The following LDLRAD4 variants were observed in gnomAD, a reference collection of about 807,000 sequenced individuals.
The protein encoded by LDLRAD4 is low density lipoprotein receptor class A domain containing 4.
LDLRAD4 carries 5 observed loss-of-function variants against 17.0 expected under a neutral mutation model. The observed-to-expected ratio is 0.29, with a 90% confidence interval of 0.15 to 0.62. LDLRAD4 has a LOEUF of 0.62. Among genes scored for constraint, LDLRAD4 ranks in the 20% least tolerant of loss-of-function variants. The probability of loss-of-function intolerance (pLI) is 0.84; values close to 1 mark genes in which losing one functional copy is unlikely to be tolerated. For missense variants in LDLRAD4, 340 were observed against 424.7 expected, an observed-to-expected ratio of 0.80 and a Z score of 1.75; for synonymous variants, 168 against 171.8, an observed-to-expected ratio of 0.98 and a Z score of 0.17.
intron 3 of LDLRAD4, among the ~76,000 whole-genome samples, chr18:13,593,417 G>T (rs1011576015): frequency 6.6e-6 from 1 of 150,708 alleles, no homozygotes; most frequent in Non-Finnish European, 1.5e-5. Flanking sequence ...TCCTTTCCTC[G>T]CGATGCTTTC....
chr18:13,577,205 G>A lies in LDLRAD4; in HGVS notation c.182-43912G>A, dbSNP rs183502131. Among the ~76,000 whole-genome samples the A allele has an allele frequency of 2.4e-3, 363 of 152,220 alleles. 3 individuals carry two copies. Among genetic ancestry groups the A allele is most frequent in the Middle Eastern group, 6.8e-3 (2 of 294 alleles). On this transcript the variant is annotated intron_variant, in intron 3 of 5. Transcript: ENST00000359446. The stretch of plus-strand genomic sequence containing the variant: ...GTCCATAATGGGAAAGTCAACTCCT[G>A]GGCATGCTGTTCCATGCCTACATGG...
chr18:13,261,460 A>G (rs1272295012), intron 1 of LDLRAD4, among the ~76,000 whole-genome samples: 2 of 152,164 alleles, frequency 1.3e-5, no homozygotes, highest in Non-Finnish European at 2.9e-5. Flanking sequence ...ATTTCAGCAA[A>G]TGTTTACAGA....
chr18:13,554,811 A>C (rs554500327), intron 3 of LDLRAD4, among the ~76,000 whole-genome samples: 1 of 152,292 alleles, frequency 6.6e-6, no homozygotes, highest in African/African-American at 2.4e-5. Flanking sequence ...GAGGGAGCCT[A>C]ACCCTGGCTC....
chr18:13,621,676 C>T lies in LDLRAD4; in HGVS notation c.336+405C>T, dbSNP rs1445645792. Among the ~76,000 whole-genome samples the T allele has an allele frequency of 1.3e-5, 2 of 152,162 alleles. No homozygotes were observed. The highest frequency in any genetic ancestry group is 6.5e-5 in the Admixed American group (1 of 15,290). Reference sequence around the variant, plus strand: ...CCTGAGCTGGGTCCTGGAGGTGCTGCGGGGACAAATCACGCGCTCATCGTC... The same window carrying T: ...CCTGAGCTGGGTCCTGGAGGTGCTGTGGGGACAAATCACGCGCTCATCGTC... On this transcript the variant is annotated intron_variant, in intron 4 of 5. Coordinates refer to ENST00000359446, the Ensembl canonical transcript of LDLRAD4. This position sits in a 1 kb window ranked among gnomAD's most constrained non-coding sequence, Gnocchi z 5.5.
At chr18:13,548,072 G>A (rs2094389815) in intron 3 of LDLRAD4, among the ~76,000 whole-genome samples, 2 of 152,178 alleles carry the variant, frequency 1.3e-5, no homozygotes, top group Non-Finnish European at 2.9e-5. Flanking sequence ...TCCACAGGCA[G>A]GTCATTCTGA....
intron 2 of LDLRAD4, among the ~76,000 whole-genome samples, chr18:13,418,087 G>T (rs978540858): frequency 5.9e-5 from 9 of 152,180 alleles, no homozygotes; most frequent in Non-Finnish European, 1.2e-4. Flanking sequence ...CACTGCACCC[G>T]CACTGAGCCC....
At chr18:13,470,199 A>G (rs1486653530) in intron 3 of LDLRAD4, among the ~76,000 whole-genome samples, 4 of 152,084 alleles carry the variant, frequency 2.6e-5, no homozygotes, top group Non-Finnish European at 1.5e-5. Context: ...ACCTTTGCAA[A>G]TCTCCAATAG....
intron 3 of LDLRAD4, among the ~76,000 whole-genome samples, chr18:13,532,906 C>A (rs931936521): frequency 6.6e-6 from 1 of 152,124 alleles, no homozygotes; most frequent in African/African-American, 2.4e-5. Context: ...GGGCAGGGGC[C>A]GTGGAAGGAG....
intron 3 of LDLRAD4, among the ~76,000 whole-genome samples, chr18:13,467,533 G>A (rs1162413418): frequency 6.6e-6 from 1 of 152,188 alleles, no homozygotes; most frequent in Non-Finnish European, 1.5e-5. Flanking sequence ...CATATTCATG[G>A]GTAAGAAGAC....
intron 1 of LDLRAD4, among the ~76,000 whole-genome samples, chr18:13,281,412 A>G (rs550248420): frequency 1.3e-5 from 2 of 152,256 alleles, no homozygotes; most frequent in Non-Finnish European, 2.9e-5. Flanking sequence ...CACCCCCCTC[A>G]AAACAAAAAC....
chr18:13,266,677 T>G (rs764282267), intron 1 of LDLRAD4, among the ~76,000 whole-genome samples: 1 of 152,238 alleles, frequency 6.6e-6, no homozygotes, highest in Non-Finnish European at 1.5e-5. Context: ...GGCGATGGCT[T>G]CTCCGTGGAG....
At chr18:13,262,365 C>T (rs62097318) in intron 1 of LDLRAD4, among the ~76,000 whole-genome samples, 7,791 of 67,036 alleles carry the variant, frequency 0.12, no homozygotes, top group Admixed American at 0.22. Context: ...GAGTCCCGTG[C>T]GGCCCTGTGC....
In LDLRAD4 at chr18:13,448,702, C is replaced by A. The variant is rs77254600; in HGVS notation, c.181+10318C>A. ...GGAGGTGACGCAGCAGCTTGCCGTTCGGCTGGGAGGTGCTTTGTCGCTTGG... is the reference window on the plus strand; with the variant it reads ...GGAGGTGACGCAGCAGCTTGCCGTTAGGCTGGGAGGTGCTTTGTCGCTTGG... On this transcript the variant is annotated intron_variant, in intron 3 of 5. Transcript: ENST00000359446. 2.3e-3 allele frequency among the ~76,000 whole-genome samples: 351 copies of A among 151,750 alleles called. 13 individuals carry two copies. In the East Asian group the frequency reaches 0.057, roughly 25 times the overall value.
rs533459547 is a variant in LDLRAD4, at chr18:13,643,296, C to T, written c.337-63C>T. 2.7e-5 allele frequency: 29 copies of T among 1,062,154 alleles called. No homozygotes were observed. The East Asian group carries it at 4.0e-4, about 15-fold the overall frequency. The allele number at this position is 1,062,154 out of a possible 1,614,324, so 65.8% of individuals were successfully genotyped here. A position where few individuals can be genotyped will look rare whatever the true frequency, so the allele number is the denominator to read the frequency against. Reference sequence around the variant, plus strand: ...TTGTGCTTCATGTTTTTAGGTGCGGCGGGGCTAATGATTTTCCTCTGTTTC... The same window carrying T: ...TTGTGCTTCATGTTTTTAGGTGCGGTGGGGCTAATGATTTTCCTCTGTTTC... On this transcript the variant is annotated intron_variant, in intron 4 of 5. Transcript: ENST00000359446.
intron 2 of LDLRAD4, among the ~76,000 whole-genome samples, chr18:13,396,782 C>T (rs1285102841): frequency 6.6e-6 from 1 of 152,144 alleles, no homozygotes; most frequent in Non-Finnish European, 1.5e-5. Flanking sequence ...TGCGCCTGGC[C>T]TATTTTTTAT....
chr18:13,463,617 G>A (rs1050157327), intron 3 of LDLRAD4, among the ~76,000 whole-genome samples: 6 of 152,104 alleles, frequency 3.9e-5, no homozygotes, highest in Non-Finnish European at 8.8e-5. Flanking sequence ...TCATTCACAC[G>A]ATTCTGATAC....
At chr18:13,609,528 TGC>T (rs1177808596) in intron 3 of LDLRAD4, among the ~76,000 whole-genome samples, 1,062 of 69,200 alleles carry the variant, frequency 0.015, 16 homozygotes, top group African/African-American at 0.044. Context: ...CGTGTGTGTG[TGC>T]GTGTGTGTGT....
chr18:13,621,118 G>A lies in LDLRAD4; in HGVS notation c.183G>A (p.Ser61=), dbSNP rs1471206600. The change falls in exon 4 of 6, where the codon TCG becomes TCA. Residue 61 remains serine (S), a splice_region_variant and synonymous_variant. Transcript: ENST00000359446. This position sits in a 1 kb window ranked among gnomAD's most constrained non-coding sequence, Gnocchi z 5.5. ...AACCACTCTCCTCTTCCATGGCAGC[G>A]GAGCTGGAGTTCGCCCAAATCATCA... is the stretch of plus-strand genomic sequence containing the variant. 6.2e-6 allele frequency: 10 copies of A among 1,614,118 alleles called. No individual in the cohort carries two copies. Among genetic ancestry groups the A allele is most frequent in the South Asian group, 1.1e-5 (1 of 91,088 alleles).
intron 1 of LDLRAD4, among the ~76,000 whole-genome samples, chr18:13,235,853 C>T (rs2042307067): frequency 6.6e-6 from 1 of 152,122 alleles, no homozygotes; most frequent in African/African-American, 2.4e-5. Context: ...TTTGAACCTC[C>T]ACCCGGAGAA....
Sources: allele counts gnomAD v4.1 joint callset (sites outside exome capture counted in the v4.1 genomes callset), GRCh38; gene constraint gnomAD v4.1.1; non-coding constraint Gnocchi (gnomAD v3.1); transcripts MANE v1.5; gene names NCBI Gene and HGNC (gene_info 2026-07-23, HGNC 2026-07-21).